Variants in ZNF729 observed in about 807,000 individuals in gnomAD.
ZNF729 encodes the protein zinc finger protein 729.
In ZNF729, 15 loss-of-function variants were observed where a neutral mutation model predicts 12.2. The ratio of observed to expected loss-of-function variants is 1.23; its 90% CI spans 0.82 to 1.89. The LOEUF (loss-of-function observed/expected upper bound fraction) is 1.89, where lower values mean the gene tolerates loss of function less well. Among genes scored for constraint, ZNF729 ranks in the 40% most tolerant of loss-of-function variants. The pLI is 0.00. For missense variants in ZNF729, 1,540 were observed against 1,456.7 expected (o/e 1.06, Z -0.93); for synonymous variants, 492 against 476.3 (o/e 1.03, Z -0.43).
intron 1 of ZNF729, among the ~76,000 whole-genome samples, chr19:22,297,899 G>A (rs1968250323): frequency 6.6e-6 from 1 of 151,378 alleles, no homozygotes; most frequent in Non-Finnish European, 1.5e-5. Flanking sequence ...CAGCTACTCG[G>A]GAGGCTGAGG....
intron 1 of ZNF729, among the ~76,000 whole-genome samples, chr19:22,289,966 C>G (rs78833242): frequency 0.025 from 3,804 of 152,202 alleles, 155 homozygotes; most frequent in African/African-American, 0.087. Context: ...CTTACTGAGA[C>G]ATAAAATGTA....
chr19:22,303,637 G>T, intron 1 of ZNF729, 121 bp from the exon 2 acceptor site: 1 of 867,574 alleles, frequency 1.2e-6, no homozygotes, highest in South Asian at 1.8e-5. Flanking sequence ...GGATATGTTC[G>T]GTCATCCCTA....
At chr19:22,292,680 A>G (rs575213450) in intron 1 of ZNF729, among the ~76,000 whole-genome samples, 2 of 152,156 alleles carry the variant, frequency 1.3e-5, no homozygotes, top group South Asian at 2.1e-4. Flanking sequence ...AGCTCAGGCA[A>G]TTCACCTGCC....
intron 1 of ZNF729, among the ~76,000 whole-genome samples, chr19:22,290,779 T>A (rs1436762632): frequency 6.6e-6 from 1 of 152,166 alleles, no homozygotes; most frequent in Non-Finnish European, 1.5e-5. Context: ...AGAGACAGTG[T>A]GCAGAGTCTG....
chr19:22,288,708 C>CTTGCTGGTCAGCCAATCAG (rs1310202673), intron 1 of ZNF729, among the ~76,000 whole-genome samples: 2 of 152,148 alleles, frequency 1.3e-5, no homozygotes, highest in Non-Finnish European at 2.9e-5. Flanking sequence ...GCTTCCATTT[C>CTTGCTGGTCAGCCAATCAG]TTGCTGGTCA....
At chr19:22,306,926 A>G (rs1471689716) in intron 3 of ZNF729, among the ~76,000 whole-genome samples, 2 of 151,644 alleles carry the variant, frequency 1.3e-5, no homozygotes, top group Non-Finnish European at 2.9e-5. Context: ...TTCAACATGA[A>G]AGACTCATTT....
At position 22,305,321 on chromosome 19, in the gene ZNF729, A is replaced by G. The variant is rs186311687; in HGVS notation, c.253+538A>G. Among the ~76,000 whole-genome samples, 234 of 152,212 alleles carry G rather than the reference A, an allele frequency of 1.5e-3. 2 individuals carry two copies. Among genetic ancestry groups the G allele is most frequent in the African/African-American group, 5.4e-3 (223 of 41,538 alleles). On this transcript the variant is annotated intron_variant, in intron 3 of 3. Transcript: ENST00000601693. Reference sequence around the variant, plus strand: ...TTCTTTATAAATTATCTACTCTCAGATATTTTTCTGTATGCAAAATATTAT... The same window carrying G: ...TTCTTTATAAATTATCTACTCTCAGGTATTTTTCTGTATGCAAAATATTAT...
chr19:22,315,526 G>C lies in ZNF729; in HGVS notation c.2109G>C (p.Lys703Asn). 6.2e-7 allele frequency: 1 copy of C among 1,611,244 alleles called. No homozygotes were observed. The highest frequency in any genetic ancestry group is 8.5e-7 in the Non-Finnish European group (1 of 1,179,470). ...ATTTCTCAGCCCTTAGAAGACATAA[G>C]ATAATTCATACTGGAGAGAAACCCT... Reference protein sequence around the residue: ...FSHFSALRRHKIIHTGEKPYK... With the variant: ...FSHFSALRRHNIIHTGEKPYK... The change falls in exon 4 of 4, where the codon AAG (lysine) becomes AAC (asparagine). Residue 703 changes from lysine to asparagine, a missense_variant. Coordinates refer to ENST00000601693, the MANE Select transcript of ZNF729 (RefSeq NM_001242680.2).
intron 1 of ZNF729, among the ~76,000 whole-genome samples, chr19:22,300,354 A>T (rs1324223625): frequency 6.6e-6 from 1 of 152,220 alleles, no homozygotes; most frequent in Non-Finnish European, 1.5e-5. Flanking sequence ...GATGCATGTC[A>T]CATTCAGGTT....
At chr19:22,306,747 T>A (rs1968382887) in intron 3 of ZNF729, among the ~76,000 whole-genome samples, 1 of 150,470 alleles carries the variant, frequency 6.6e-6, no homozygotes, top group South Asian at 2.1e-4. Context: ...ATATTATAAA[T>A]TATTTCATAT....
chr19:22,313,628 G>C (rs772737550), intron 3 of ZNF729, 43 bp from the exon 4 acceptor site: 1 of 1,416,724 alleles, frequency 7.1e-7, no homozygotes, highest in African/African-American at 1.4e-5. Context: ...ATATTCATCT[G>C]AGTCTAGCAA....
chr19:22,288,290 G>A (rs75982401), intron 1 of ZNF729, among the ~76,000 whole-genome samples: 2,814 of 147,208 alleles, frequency 0.019, 90 homozygotes, highest in African/African-American at 0.067. Context: ...CTGACACTGC[G>A]TTGTAAAAAG....
In ZNF729 at chr19:22,314,765, C is replaced by T. The variant is rs1247337223; in HGVS notation, c.1348C>T (p.His450Tyr). Residue 450 changes from histidine to tyrosine, a missense_variant, in exon 4 of 4, where the codon CAT becomes TAT. His to Tyr is a moderately conservative substitution (Grantham distance 83, BLOSUM62 2). Coordinates refer to ENST00000601693, the MANE Select transcript of ZNF729 (RefSeq NM_001242680.2). ...AFNSSSTLMK[H>Y]KIIHTGEKPY... ...TAACAGTTCCTCAACCCTTATGAAA[C>T]ATAAGATAATTCATACTGGGGAGAA... The T allele has an allele frequency of 1.2e-6, 2 of 1,613,540 alleles. No individual in the cohort carries two copies. Among genetic ancestry groups the T allele is most frequent in the Admixed American group, 3.3e-5 (2 of 59,986 alleles).
chr19:22,289,752 C>A (rs1443731659), intron 1 of ZNF729, among the ~76,000 whole-genome samples: 2 of 152,116 alleles, frequency 1.3e-5, no homozygotes, highest in Non-Finnish European at 2.9e-5. Flanking sequence ...AACATCAGTT[C>A]CTCTTTTTGC....
Position 22,315,335 on chromosome 19 carries a change from TC to T in ZNF729, c.1920del (p.Ser641HisfsTer36), listed in dbSNP as rs1196083423. On this transcript the variant is annotated frameshift_variant, in exon 4 of 4. Transcript: ENST00000601693. LOFTEE classifies it low-confidence loss of function (END_TRUNC). ...CEECGKAFRQ[S>X]SHLTRHKAIH... ...AGAATGTGGCAAAGCTTTTAGGCAA[TC>T]CTCACACCTTACTAGACATAAAGCA... 1 of 1,613,338 alleles carries T rather than the reference TC, an allele frequency of 6.2e-7. No individual in the cohort carries two copies. The highest frequency in any genetic ancestry group is 1.7e-5 in the Admixed American group (1 of 59,944).
Position 22,316,621 on chromosome 19 carries a change from A to G in ZNF729, c.3204A>G (p.Val1068=), listed in dbSNP as rs1407245384. ...KWSSKLTEHK[V]IHTGEKPCKC... Reference sequence around the variant, plus strand: ...CCTCAAAACTTACTGAACATAAGGTAATTCATACTGGAGAGAAACCCTGCA... The same window carrying G: ...CCTCAAAACTTACTGAACATAAGGTGATTCATACTGGAGAGAAACCCTGCA... The change falls in exon 4 of 4, where the codon GTA becomes GTG. Residue 1068 remains valine, a synonymous_variant. Coordinates refer to ENST00000601693, the MANE Select transcript of ZNF729 (RefSeq NM_001242680.2). 3.1e-6 allele frequency: 5 copies of G among 1,612,984 alleles called. No homozygotes were observed. The highest frequency in any genetic ancestry group is 4.2e-6 in the Non-Finnish European group (5 of 1,179,780).
chr19:22,293,261 C>T (rs368193337), intron 1 of ZNF729, among the ~76,000 whole-genome samples: 10 of 152,222 alleles, frequency 6.6e-5, no homozygotes, highest in African/African-American at 1.2e-4. Context: ...TCTCAGCAAA[C>T]GGCAATCTTC....
chr19:22,297,953 C>T (rs538472595), intron 1 of ZNF729, among the ~76,000 whole-genome samples: 235 of 142,356 alleles, frequency 1.7e-3, no homozygotes, highest in South Asian at 6.6e-3. Context: ...TGCAGTGAGC[C>T]GAGATCACCC....
chr19:22,289,199 A>T (rs1968120898), intron 1 of ZNF729, among the ~76,000 whole-genome samples: 1 of 151,640 alleles, frequency 6.6e-6, no homozygotes, highest in African/African-American at 2.4e-5. Context: ...AATAAAATTA[A>T]TATTTAATTA....
Sources: gnomAD v4.1 joint callset for allele counts (sites outside exome capture counted in the v4.1 genomes callset) on GRCh38, gnomAD v4.1.1 for gene constraint, MANE v1.5 for transcripts, NCBI Gene and HGNC (gene_info 2026-07-23, HGNC 2026-07-21) for gene names.